Variants in TMEM240 observed in about 807,000 individuals in gnomAD.
TMEM240 encodes transmembrane protein C1orf70.
Under a neutral mutation model 19.5 loss-of-function variants are expected in TMEM240, and 3 were observed. The ratio of observed to expected loss-of-function variants is 0.15; its 90% CI spans 0.07 to 0.40. TMEM240 has a LOEUF of 0.40. TMEM240 is among the 10% of genes least tolerant of loss of function. TMEM240 has a pLI of 1.00. For missense variants in TMEM240, 210 were observed against 253.5 expected, an observed-to-expected ratio of 0.83 and a Z score of 1.17; for synonymous variants, 123 against 109.3, an observed-to-expected ratio of 1.13 and a Z score of -0.78.
At position 1,535,925 on chromosome 1, in the gene TMEM240, T is replaced by TGGGC. The variant is rs1482806216; in HGVS notation, c.165-132_165-129dup. 22 of 379,148 alleles carry TGGGC rather than the reference T, an allele frequency of 5.8e-5. 1 individual carries two copies. The highest frequency in any genetic ancestry group is 4.3e-4 in the African/African-American group (19 of 44,362). 23.5% of individuals were successfully genotyped at this position (379,148 alleles called of 1,614,324 possible). On this transcript the variant is annotated intron_variant, in intron 2 of 3. Coordinates refer to ENST00000378733, the MANE Select transcript of TMEM240 (RefSeq NM_001114748.2). The surrounding 1 kb of genome is among the most constrained non-coding windows in gnomAD (Gnocchi z 8.2). ...CTGGGGGTTCTCTGAAGCAGCCTCTTGGGCGGGCGGGTCGGGAAGGGGGCA... is the reference window on the plus strand; with the variant it reads ...CTGGGGGTTCTCTGAAGCAGCCTCTTGGGCGGGCGGGCGGGTCGGGAAGGGGGCA...
At chr1:1,537,587 G>C (rs1024683715) in intron 2 of TMEM240, among the ~76,000 whole-genome samples, 1 of 152,164 alleles carries the variant, frequency 6.6e-6, no homozygotes, top group Admixed American at 6.5e-5. Flanking sequence ...GTGAAAGCAG[G>C]AGATAGGCCT....
chr1:1,537,982 C>T (rs1642248352), intron 2 of TMEM240, among the ~76,000 whole-genome samples: 1 of 152,226 alleles, frequency 6.6e-6, no homozygotes, highest in African/African-American at 2.4e-5. Flanking sequence ...TACACATGTA[C>T]ACACACTCGT....
chr1:1,536,238 A>G lies in TMEM240; in HGVS notation c.165-441T>C, dbSNP rs951468891. Among the ~76,000 whole-genome samples the G allele has an allele frequency of 2.4e-4, 37 of 152,070 alleles. No individual in the cohort carries two copies. The highest frequency in any genetic ancestry group is 4.4e-5 in the Non-Finnish European group (3 of 67,972). On this transcript the variant is annotated intron_variant, in intron 2 of 3. Transcript: ENST00000378733. This position sits in a 1 kb window ranked among gnomAD's most constrained non-coding sequence, Gnocchi z 5.4. The stretch of plus-strand genomic sequence containing the variant: ...GGCCACTTGGAGCAGAGCTGGACAC[A>G]GGGAGCCCTGCTGGCCCCAGACCAG...
chr1:1,537,646 G>A (rs914405559), intron 2 of TMEM240, among the ~76,000 whole-genome samples: 1 of 152,146 alleles, frequency 6.6e-6, no homozygotes, highest in African/African-American at 2.4e-5. Flanking sequence ...ATGTACATAC[G>A]TGTGTCCTGC....
rs766597268 is a variant in TMEM240 at position 1,535,331 on chromosome 1, CGGT to C, written c.*25_*27del. On this transcript the variant is annotated 3_prime_UTR_variant, in exon 4 of 4. Coordinates refer to ENST00000378733, the MANE Select transcript of TMEM240 (RefSeq NM_001114748.2). The surrounding 1 kb of genome is among the most constrained non-coding windows in gnomAD (Gnocchi z 8.2). ...ACATCTGTACAGCAGCCGGTTGGCT[CGGT>C]GGCCCCGGTAAGTCCCCGTGCGGCT... is the stretch of plus-strand genomic sequence containing the variant. 34 of 1,546,308 alleles carry C rather than the reference CGGT, an allele frequency of 2.2e-5. No homozygotes were observed. The South Asian group carries it at 3.6e-4, about 16-fold the overall frequency.
rs752556739 is a variant in TMEM240 at position 1,535,572 on chromosome 1, G to A, written c.373+17C>T. 4.5e-5 allele frequency: 70 copies of A among 1,545,526 alleles called. No homozygotes were observed. The highest frequency in any genetic ancestry group is 1.1e-4 in the South Asian group (9 of 83,914). On this transcript the variant is annotated intron_variant, in intron 3 of 3. Coordinates refer to ENST00000378733, the MANE Select transcript of TMEM240 (RefSeq NM_001114748.2). The surrounding 1 kb of genome is among the most constrained non-coding windows in gnomAD (Gnocchi z 8.2). ...CAGGGCGGCAGCACTCCCGGGCGGC[G>A]GGCACGAGGCACTCACCGTAGCGCC...
chr1:1,535,872 G>C lies in TMEM240; in HGVS notation c.165-75C>G. On this transcript the variant is annotated intron_variant, in intron 2 of 3. Transcript: ENST00000378733. This position sits in a 1 kb window ranked among gnomAD's most constrained non-coding sequence, Gnocchi z 8.2. ...CCTTCCCCCGGGGCGCCTACCCCGT[G>C]GTGGGGGTGTGACCGCGTCAGGCCG... 22 of 1,366,282 alleles carry C rather than the reference G, an allele frequency of 1.6e-5. No individual in the cohort carries two copies. Among genetic ancestry groups the C allele is most frequent in the Non-Finnish European group, 2.1e-5 (21 of 984,328 alleles). The allele number at this position is 1,366,282 out of a possible 1,614,324, so 84.6% of individuals were successfully genotyped here. A position where few individuals can be genotyped will look rare whatever the true frequency, so the allele number is the denominator to read the frequency against.
chr1:1,540,374 C>T lies in TMEM240; in HGVS notation c.-28G>A, dbSNP rs1642285855. Reference sequence around the variant, plus strand: ...GGCGGGGCCGGGCCGGGCCGGAGCGCCGCCCCCCGGCCCCGGCGCCCCCCC... The same window carrying T: ...GGCGGGGCCGGGCCGGGCCGGAGCGTCGCCCCCCGGCCCCGGCGCCCCCCC... On this transcript the variant is annotated 5_prime_UTR_variant, in exon 1 of 4. Transcript: ENST00000378733. The T allele has an allele frequency of 3.5e-6, 4 of 1,134,374 alleles. No individual in the cohort carries two copies. The highest frequency in any genetic ancestry group is 1.7e-5 in the African/African-American group (1 of 60,186). The allele number at this position is 1,134,374 out of a possible 1,614,324, so 70.3% of individuals were successfully genotyped here. A position where few individuals can be genotyped will look rare whatever the true frequency, so the allele number is the denominator to read the frequency against.
chr1:1,535,716 A>G lies in TMEM240; in HGVS notation c.246T>C (p.Ser82=), dbSNP rs1177913536. 3 of 1,550,052 alleles carry G rather than the reference A, an allele frequency of 1.9e-6. No individual in the cohort carries two copies. The highest frequency in any genetic ancestry group is 1.7e-6 in the Non-Finnish European group (2 of 1,146,690). Reference sequence around the variant, plus strand: ...TGAGGTCGATCTCCTGCTTGGTCACACTGTCCGTCACAAAGTAGTTCTCGG... The same window carrying G: ...TGAGGTCGATCTCCTGCTTGGTCACGCTGTCCGTCACAAAGTAGTTCTCGG... ...DASENYFVTD[S]VTKQEIDLML... The change falls in exon 3 of 4, where the codon AGT becomes AGC. Residue 82 remains serine, a synonymous_variant. Transcript: ENST00000378733. This position sits in a 1 kb window ranked among gnomAD's most constrained non-coding sequence, Gnocchi z 8.2.
At chr1:1,538,702 G>A (rs1392573528) in intron 2 of TMEM240, among the ~76,000 whole-genome samples, 1 of 152,226 alleles carries the variant, frequency 6.6e-6, no homozygotes, top group Non-Finnish European at 1.5e-5. Flanking sequence ...TCTAACACCC[G>A]TGTTCTTCAT....
In TMEM240 at chr1:1,535,260, G is replaced by A; in HGVS notation, c.*99C>T. The A allele has an allele frequency of 7.2e-7, 1 of 1,392,332 alleles. No homozygotes were observed. Among genetic ancestry groups the A allele is most frequent in the Non-Finnish European group, 9.7e-7 (1 of 1,035,658 alleles). The allele number at this position is 1,392,332 out of a possible 1,614,324, so 86.2% of individuals were successfully genotyped here. A position where few individuals can be genotyped will look rare whatever the true frequency, so the allele number is the denominator to read the frequency against. ...CAGCCCCGGACAACCTGGGCCCAGG[G>A]CTGCTGTCCAGTCCCGCCGGCCCGG... On this transcript the variant is annotated 3_prime_UTR_variant, in exon 4 of 4. Transcript: ENST00000378733. This position sits in a 1 kb window ranked among gnomAD's most constrained non-coding sequence, Gnocchi z 8.2.
At position 1,535,717 on chromosome 1, in the gene TMEM240, CTG is replaced by C; in HGVS notation, c.243_244del (p.Asp81GlufsTer151). On this transcript the variant is annotated frameshift_variant, in exon 3 of 4. Coordinates refer to ENST00000378733, the MANE Select transcript of TMEM240 (RefSeq NM_001114748.2). LOFTEE classifies it high-confidence loss of function. This position sits in a 1 kb window ranked among gnomAD's most constrained non-coding sequence, Gnocchi z 8.2. ...GAGGTCGATCTCCTGCTTGGTCACA[CTG>C]TCCGTCACAAAGTAGTTCTCGGAGG... 2 of 1,550,502 alleles carry C rather than the reference CTG, an allele frequency of 1.3e-6. No homozygotes were observed. Among genetic ancestry groups the C allele is most frequent in the Non-Finnish European group, 1.7e-6 (2 of 1,146,750 alleles).
intron 1 of TMEM240, among the ~76,000 whole-genome samples, chr1:1,539,991 G>A (rs546474714): frequency 1.8e-5 from 2 of 108,978 alleles, no homozygotes; most frequent in Admixed American, 8.6e-5. Context: ...GGCCGGGGTG[G>A]GGGGAGCGCA....
At position 1,539,762 on chromosome 1, in the gene TMEM240, G is replaced by A. The variant is rs1175014443; in HGVS notation, c.86C>T (p.Ala29Val). The change falls in exon 2 of 4, where the codon GCG becomes GTG. Residue 29 changes from alanine (A) to valine (V), a missense_variant. Transcript: ENST00000378733. ...MAIACLMDMN[A>V]LLDRFHNYIL... is the part of the protein sequence containing the mutation. The stretch of plus-strand genomic sequence containing the variant: ...GTAGTTGTGGAATCGGTCCAGCAGC[G>A]CGTTCATGTCCATCAAGCACGCGAT... 1.3e-6 allele frequency: 2 copies of A among 1,547,606 alleles called. No homozygotes were observed. Among genetic ancestry groups the A allele is most frequent in the African/African-American group, 1.4e-5 (1 of 72,786 alleles).
In TMEM240 at chr1:1,535,040, C is replaced by T. The variant is rs1278232186; in HGVS notation, c.*319G>A. The stretch of plus-strand genomic sequence containing the variant: ...CCGCGCGCCTCGCCGCCCCTGCCCC[C>T]ACCTGCCCCCCAGGACCCTCCCTGC... On this transcript the variant is annotated 3_prime_UTR_variant, in exon 4 of 4. Transcript: ENST00000378733. The surrounding 1 kb of genome is among the most constrained non-coding windows in gnomAD (Gnocchi z 8.2). The T allele has an allele frequency of 1.0e-5, 2 of 190,558 alleles. No homozygotes were observed. Among genetic ancestry groups the T allele is most frequent in the African/African-American group, 2.5e-5 (1 of 40,812 alleles). 11.8% of individuals were successfully genotyped at this position (190,558 alleles called of 1,614,324 possible).
In TMEM240 at chr1:1,535,800, G is replaced by A. The variant is rs1461827360; in HGVS notation, c.165-3C>T. ...GGATCACGTAGTGGATATGGTGCCT[G>A]GGGGCGGCAGGGCGGGCTGGCACCT... is the stretch of plus-strand genomic sequence containing the variant. On this transcript the variant is annotated splice_polypyrimidine_tract_variant and splice_region_variant and intron_variant, in intron 2 of 3. Coordinates refer to ENST00000378733, the MANE Select transcript of TMEM240 (RefSeq NM_001114748.2). This position sits in a 1 kb window ranked among gnomAD's most constrained non-coding sequence, Gnocchi z 8.2. 1 of 1,549,260 alleles carries A rather than the reference G, an allele frequency of 6.5e-7. No homozygotes were observed. The highest frequency in any genetic ancestry group is 2.4e-5 in the East Asian group (1 of 40,878).
intron 2 of TMEM240, among the ~76,000 whole-genome samples, chr1:1,537,994 C>CTGAA (rs1461521422): frequency 6.6e-6 from 1 of 152,212 alleles, no homozygotes; most frequent in African/African-American, 2.4e-5. Flanking sequence ...CACACTCGTT[C>CTGAA]TGAACACCAG....
In TMEM240 at chr1:1,535,810, G is replaced by A. The variant is rs1642209455; in HGVS notation, c.165-13C>T. ...GTGGATATGGTGCCTGGGGGCGGCA[G>A]GGCGGGCTGGCACCTCTCCCGCCAC... On this transcript the variant is annotated splice_polypyrimidine_tract_variant and intron_variant, in intron 2 of 3. Transcript: ENST00000378733. The surrounding 1 kb of genome is among the most constrained non-coding windows in gnomAD (Gnocchi z 8.2). The A allele has an allele frequency of 2.6e-6, 4 of 1,548,760 alleles. No individual in the cohort carries two copies. The highest frequency in any genetic ancestry group is 3.5e-6 in the Non-Finnish European group (4 of 1,145,924).
At chr1:1,538,262 A>G (rs1642251966) in intron 2 of TMEM240, among the ~76,000 whole-genome samples, 1 of 152,202 alleles carries the variant, frequency 6.6e-6, no homozygotes, top group African/African-American at 2.4e-5. Flanking sequence ...GCATAGATAC[A>G]TGGACACACA....
Sources: gnomAD v4.1 joint callset for allele counts (sites outside exome capture counted in the v4.1 genomes callset) on GRCh38, gnomAD v4.1.1 for gene constraint, Gnocchi (gnomAD v3.1) non-coding constraint, MANE v1.5 for transcripts, NCBI Gene and HGNC (gene_info 2026-07-23, HGNC 2026-07-21) for gene names.